Variants in SIRPA observed in about 807,000 individuals in gnomAD.
The protein encoded by SIRPA is tyrosine-protein phosphatase non-receptor type substrate 1.
SIRPA carries 9 observed loss-of-function variants against 50.3 expected under a neutral mutation model. That is an observed-to-expected ratio of 0.18 (90% confidence interval 0.11 to 0.31). The LOEUF (loss-of-function observed/expected upper bound fraction) is 0.31. Among genes scored for constraint, SIRPA ranks in the 10% least tolerant of loss-of-function variants. The pLI is 1.00. For synonymous variants in SIRPA, 265 were observed against 284.1 expected (o/e 0.93, Z 0.68); for missense variants, 474 against 661.6 (o/e 0.72, Z 3.11).
upstream of SIRPA, among the ~76,000 whole-genome samples, chr20:1,895,069 G>A (rs962073488): frequency 3.2e-4 from 49 of 151,034 alleles, no homozygotes; most frequent in African/African-American, 1.2e-3. Context: ...CGGTCTGCGC[G>A]CCGCCTCGCT....
chr20:1,909,467 AT>A (rs200830648), intron 1 of SIRPA, among the ~76,000 whole-genome samples: 1 of 151,782 alleles, frequency 6.6e-6, no homozygotes. Context: ...TTCTAAGTTG[AT>A]TTTTTTTTCT....
rs962861732 is a variant in SIRPA, at chr20:1,898,000, C to T, written c.79+2474C>T. Among the ~76,000 whole-genome samples, 7 of 152,234 alleles carry T rather than the reference C, an allele frequency of 4.6e-5. 1 individual carries two copies. The highest frequency in any genetic ancestry group is 9.6e-5 in the African/African-American group (4 of 41,466). ...CTGATTTTGTGTCAGCAGGGCCTGA[C>T]GCTGAACCCGCAGGATGCCTGCTTG... On this transcript the variant is annotated intron_variant, in intron 1 of 7. Transcript: ENST00000358771.
chr20:1,896,275 T>C (rs1444394146), intron 1 of SIRPA, among the ~76,000 whole-genome samples: 1 of 152,174 alleles, frequency 6.6e-6, no homozygotes. Context: ...CGCGGGGATG[T>C]TACCTGTGGC....
rs529707028 is a variant in SIRPA at position 1,924,061 on chromosome 20, G to T, written c.1088-703G>T. On this transcript the variant is annotated intron_variant, in intron 4 of 7. Transcript: ENST00000358771. The surrounding 1 kb of genome is among the most constrained non-coding windows in gnomAD (Gnocchi z 4.5). ...GTTAGCCAATGAGGTAGAGATGACT[G>T]TTGGCCCCAGTAACAGAAGAAGCAG... is the stretch of plus-strand genomic sequence containing the variant. Among the ~76,000 whole-genome samples, 270 of 152,310 alleles carry T rather than the reference G, an allele frequency of 1.8e-3. No individual in the cohort carries two copies. Among genetic ancestry groups the T allele is most frequent in the African/African-American group, 6.3e-3 (260 of 41,556 alleles).
chr20:1,899,673 G>T lies in SIRPA; in HGVS notation c.79+4147G>T, dbSNP rs192423614. ...GGTTCAATTTAATGTGCCTCCTGGGGAGAGGTCAGAGGAGCCTCTCCACGC... is the reference window on the plus strand; with the variant it reads ...GGTTCAATTTAATGTGCCTCCTGGGTAGAGGTCAGAGGAGCCTCTCCACGC... On this transcript the variant is annotated intron_variant, in intron 1 of 7. Transcript: ENST00000358771. 4.7e-3 allele frequency among the ~76,000 whole-genome samples: 717 copies of T among 152,198 alleles called. 2 individuals carry two copies. The highest frequency in any genetic ancestry group is 0.017 in the Middle Eastern group (5 of 294).
In SIRPA at chr20:1,909,485, A is replaced by C. The variant is rs995762233; in HGVS notation, c.80-5614A>C. ...TAAGTTGATTTTTTTTTCTATTAGA[A>C]AAAACATCCATGTGGGCAGGGCGCA... On this transcript the variant is annotated intron_variant, in intron 1 of 7. Transcript: ENST00000358771. Among the ~76,000 whole-genome samples, 10 of 152,366 alleles carry C rather than the reference A, an allele frequency of 6.6e-5. 2 individuals are homozygous for C. Among genetic ancestry groups the C allele is most frequent in the East Asian group, 1.9e-4 (1 of 5,182 alleles).
intron 7 of SIRPA, among the ~76,000 whole-genome samples, chr20:1,935,675 A>G (rs1986537545): frequency 6.6e-6 from 1 of 152,038 alleles, no homozygotes; most frequent in African/African-American, 2.4e-5. Context: ...CTTCTGGGGG[A>G]AAAAAATGAT....
rs749692579 is a variant in SIRPA, at chr20:1,936,754, C to T, written c.1267-566C>T. On this transcript the variant is annotated intron_variant, in intron 7 of 7. Coordinates refer to ENST00000358771, the MANE Select transcript of SIRPA (RefSeq NM_001040023.2). This position sits in a 1 kb window ranked among gnomAD's most constrained non-coding sequence, Gnocchi z 4.2. ...AAACGCATACATTAATGAATGTCCC[C>T]ACACGTACCACCATCAGCAGCACCT... Among the ~76,000 whole-genome samples, 1 of 152,152 alleles carries T rather than the reference C, an allele frequency of 6.6e-6. No homozygotes were observed. The highest frequency in any genetic ancestry group is 1.5e-5 in the Non-Finnish European group (1 of 68,028).
At chr20:1,912,219 C>T (rs1278211981) in intron 1 of SIRPA, among the ~76,000 whole-genome samples, 1 of 152,220 alleles carries the variant, frequency 6.6e-6, no homozygotes, top group African/African-American at 2.4e-5. Flanking sequence ...CAAGAATAGC[C>T]CTGCTCCAAC....
In SIRPA at chr20:1,933,996, A is replaced by AG. The variant is rs1254546896; in HGVS notation, c.1227-718dup. Among the ~76,000 whole-genome samples the AG allele has an allele frequency of 1.3e-5, 2 of 152,226 alleles. No individual in the cohort carries two copies. The highest frequency in any genetic ancestry group is 4.8e-5 in the African/African-American group (2 of 41,456). ...TGGAGAATATGGGAAACTAAAAAGG[A>AG]GAAAAAAAATACCATGCAAAGACCA... is the stretch of plus-strand genomic sequence containing the variant. On this transcript the variant is annotated intron_variant, in intron 6 of 7. Transcript: ENST00000358771. The surrounding 1 kb of genome is among the most constrained non-coding windows in gnomAD (Gnocchi z 4.4).
chr20:1,935,009 T>C (rs955416582), intron 7 of SIRPA, among the ~76,000 whole-genome samples: 2 of 152,200 alleles, frequency 1.3e-5, no homozygotes, highest in Non-Finnish European at 2.9e-5. Flanking sequence ...ATCCGTCCTA[T>C]GAAAATGGTG....
rs2122215114 is a variant in SIRPA at position 1,937,840 on chromosome 20, T to C, written c.*272T>C. On this transcript the variant is annotated 3_prime_UTR_variant, in exon 8 of 8. Transcript: ENST00000358771. The surrounding 1 kb of genome is among the most constrained non-coding windows in gnomAD (Gnocchi z 8.3). ...AACCAACCTGGGAAGTGGCCAGAAC[T>C]GCCTGGGGTCCAAGAACTCTTGTGC... is the stretch of plus-strand genomic sequence containing the variant. The C allele has an allele frequency of 1.9e-6, 1 of 515,732 alleles. No individual in the cohort carries two copies. 31.9% of individuals were successfully genotyped at this position (515,732 alleles called of 1,614,324 possible).
chr20:1,895,478 C>T lies in SIRPA; in HGVS notation c.31C>T (p.Leu11Phe). Residue 11 changes from leucine to phenylalanine, a missense_variant, in exon 1 of 8, where the codon CTC (leucine) becomes TTC (phenylalanine). Physicochemically the swap from Leu to Phe is conservative, Grantham distance 22. This residue lies in a region of SIRPA where 72 missense variants were observed against 76.2 expected (regional missense o/e 0.94). Transcript: ENST00000358771. Reference protein sequence around the residue: MEPAGPAPGRLGPLLCLLLAA... With the variant: MEPAGPAPGRFGPLLCLLLAA... ...GCCCGCCGGCCCGGCCCCCGGCCGC[C>T]TCGGGCCGCTGCTCTGCCTGCTGCT... is the stretch of plus-strand genomic sequence containing the variant. The T allele has an allele frequency of 6.9e-7, 1 of 1,440,042 alleles. No individual in the cohort carries two copies. Among genetic ancestry groups the T allele is most frequent in the South Asian group, 1.4e-5 (1 of 70,690 alleles). The allele number at this position is 1,440,042 out of a possible 1,614,324, so 89.2% of individuals were successfully genotyped here. A position where few individuals can be genotyped will look rare whatever the true frequency, so the allele number is the denominator to read the frequency against.
rs1282987703 is a variant in SIRPA at position 1,924,281 on chromosome 20, C to G, written c.1088-483C>G. Among the ~76,000 whole-genome samples, 1 of 152,208 alleles carries G rather than the reference C, an allele frequency of 6.6e-6. No individual in the cohort carries two copies. The highest frequency in any genetic ancestry group is 1.5e-5 in the Non-Finnish European group (1 of 68,030). ...TTTCAAGAGTCCTGGTTCAGAGCCC[C>G]TATGCTAACTCCTGAGCCCAGTGTG... On this transcript the variant is annotated intron_variant, in intron 4 of 7. Coordinates refer to ENST00000358771, the MANE Select transcript of SIRPA (RefSeq NM_001040023.2). The surrounding 1 kb of genome is among the most constrained non-coding windows in gnomAD (Gnocchi z 4.5).
rs1315724817 is a variant in SIRPA, at chr20:1,933,685, C to T, written c.1227-1030C>T. On this transcript the variant is annotated intron_variant, in intron 6 of 7. Transcript: ENST00000358771. This position sits in a 1 kb window ranked among gnomAD's most constrained non-coding sequence, Gnocchi z 4.4. ...AGAACTGCTTTCAGAGCCAAGCACT[C>T]ATGCCAAATCCATTAATAACCCTGC... is the stretch of plus-strand genomic sequence containing the variant. Among the ~76,000 whole-genome samples, 1 of 152,196 alleles carries T rather than the reference C, an allele frequency of 6.6e-6. No homozygotes were observed. The highest frequency in any genetic ancestry group is 6.5e-5 in the Admixed American group (1 of 15,286).
chr20:1,895,433 C>T lies in SIRPA; in HGVS notation c.-15C>T, dbSNP rs750995601. 1 of 1,394,152 alleles carries T rather than the reference C, an allele frequency of 7.2e-7. No homozygotes were observed. 86.4% of individuals were successfully genotyped at this position (1,394,152 alleles called of 1,614,324 possible). The stretch of plus-strand genomic sequence containing the variant: ...CTCACGGCCGCTCTCCCTCCTCGCT[C>T]CGCAGCCGCGGCCCATGGAGCCCGC... On this transcript the variant is annotated 5_prime_UTR_variant, in exon 1 of 8. Coordinates refer to ENST00000358771, the MANE Select transcript of SIRPA (RefSeq NM_001040023.2).
chr20:1,901,076 G>A (rs1370545692), intron 1 of SIRPA, among the ~76,000 whole-genome samples: 3 of 151,942 alleles, frequency 2.0e-5, no homozygotes, highest in Non-Finnish European at 4.4e-5. Context: ...TTGACAGGTA[G>A]GGAAACTGAG....
Position 1,922,364 on chromosome 20 carries a change from T to C in SIRPA, c.806T>C (p.Val269Ala). 2 of 1,614,126 alleles carry C rather than the reference T, an allele frequency of 1.2e-6. No homozygotes were observed. The highest frequency in any genetic ancestry group is 1.3e-5 in the African/African-American group (1 of 75,014). The change falls in exon 4 of 8, where the codon GTG becomes GCG. Residue 269 changes from valine to alanine, a missense_variant. This residue lies in a region of SIRPA where 221 missense variants were observed against 359.9 expected (regional missense o/e 0.61). Coordinates refer to ENST00000358771, the MANE Select transcript of SIRPA (RefSeq NM_001040023.2). Reference protein sequence around the residue: ...TQQPVRAENQVNVTCQVRKFY... With the variant: ...TQQPVRAENQANVTCQVRKFY... ...CAGCCCGTGAGGGCAGAGAACCAGG[T>C]GAATGTCACCTGCCAGGTGAGGAAG...
At chr20:1,913,168 C>T (rs866698325) in intron 1 of SIRPA, among the ~76,000 whole-genome samples, 39 of 152,348 alleles carry the variant, frequency 2.6e-4, no homozygotes, top group African/African-American at 8.4e-4. Flanking sequence ...AAAAGGAAGT[C>T]GAAATGGTAA....
Sources: gnomAD v4.1 joint callset for allele counts (sites outside exome capture counted in the v4.1 genomes callset) on GRCh38, gnomAD v4.1.1 for gene constraint, gnomAD v4.1.1 regional missense constraint, Gnocchi (gnomAD v3.1) non-coding constraint, MANE v1.5 for transcripts, NCBI Gene and HGNC (gene_info 2026-07-23, HGNC 2026-07-21) for gene names.